ARSB: variants seen among roughly 807,000 people sequenced by gnomAD.
ARSB encodes N-acetylgalactosamine-4-sulfatase.
Under a neutral mutation model 50.9 loss-of-function variants are expected in ARSB, and 41 were observed. The ratio of observed to expected loss-of-function variants is 0.81; its 90% CI spans 0.63 to 1.04. ARSB has a LOEUF of 1.04. Ranked by LOEUF, ARSB falls within the 50% of genes least tolerant of loss-of-function variation. The pLI is 0.00. For missense variants in ARSB, 672 were observed against 693.3 expected, an observed-to-expected ratio of 0.97 and a Z score of 0.35; for synonymous variants, 269 against 284.8, an observed-to-expected ratio of 0.94 and a Z score of 0.56.
chr5:78,867,734 G>GA (rs1561470893), intron 5 of ARSB, among the ~76,000 whole-genome samples: 1 of 151,630 alleles, frequency 6.6e-6, no homozygotes. Flanking sequence ...GAAAAACTGG[G>GA]AACTCTAAAA....
At chr5:78,957,051 C>CTT (rs1405248089) in intron 3 of ARSB, among the ~76,000 whole-genome samples, 2 of 152,172 alleles carry the variant, frequency 1.3e-5, no homozygotes, top group Non-Finnish European at 2.9e-5. Flanking sequence ...TATTTTACCA[C>CTT]TTACATCAAT....
chr5:78,901,050 A>G (rs1436003772), intron 4 of ARSB, among the ~76,000 whole-genome samples: 1 of 150,104 alleles, frequency 6.7e-6, no homozygotes, highest in African/African-American at 2.4e-5. Context: ...GTCTCAGGAA[A>G]AAAAAAAAAA....
At chr5:78,947,245 C>T (rs1751281052) in intron 4 of ARSB, among the ~76,000 whole-genome samples, 1 of 152,082 alleles carries the variant, frequency 6.6e-6, no homozygotes, top group Non-Finnish European at 1.5e-5. Flanking sequence ...TAATATCCCA[C>T]AAGCACAGGT....
At chr5:78,941,635 C>T (rs1750929264) in intron 4 of ARSB, among the ~76,000 whole-genome samples, 2 of 152,188 alleles carry the variant, frequency 1.3e-5, no homozygotes, top group Admixed American at 1.3e-4. Flanking sequence ...ATGAAGCCCA[C>T]TTGATCATGG....
intron 4 of ARSB, among the ~76,000 whole-genome samples, chr5:78,895,969 G>A (rs937857668): frequency 3.3e-5 from 5 of 152,192 alleles, no homozygotes; most frequent in African/African-American, 9.7e-5. Flanking sequence ...AGGGATACAA[G>A]AGTGGAAAGA....
intron 6 of ARSB, chr5:78,815,445 T>A (rs1455285533): frequency 1.3e-6 from 1 of 785,114 alleles, no homozygotes; most frequent in Non-Finnish European, 1.5e-6. Flanking sequence ...AAGACACCCC[T>A]CTCTGTGCCA....
chr5:78,876,917 G>A (rs1386348719), intron 5 of ARSB, among the ~76,000 whole-genome samples: 1 of 152,104 alleles, frequency 6.6e-6, no homozygotes, highest in Non-Finnish European at 1.5e-5. Flanking sequence ...CGCATGCGAG[G>A]GATCTACGGT....
intron 4 of ARSB, among the ~76,000 whole-genome samples, chr5:78,953,173 A>G (rs930935430): frequency 1.3e-5 from 2 of 152,256 alleles, no homozygotes; most frequent in African/African-American, 4.8e-5. Context: ...CACCCACACA[A>G]GTGAACAAGG....
rs938659947 is a variant in ARSB at position 78,782,290 on chromosome 5, T to G, written c.1214-316A>C. Reference sequence around the variant, plus strand: ...GTGTTCTGTTACAGCAGAGTGACTTTTTTTTGGTTTTTGTTTTTGGCTGTT... The same window carrying G: ...GTGTTCTGTTACAGCAGAGTGACTTGTTTTTGGTTTTTGTTTTTGGCTGTT... On this transcript the variant is annotated intron_variant, in intron 6 of 7. Coordinates refer to ENST00000264914, the MANE Select transcript of ARSB (RefSeq NM_000046.5). 2.6e-5 allele frequency among the ~76,000 whole-genome samples: 4 copies of G among 152,220 alleles called. No homozygotes were observed. The South Asian group carries it at 8.3e-4, about 32-fold the overall frequency.
At chr5:78,927,720 G>A (rs1750118034) in intron 4 of ARSB, among the ~76,000 whole-genome samples, 1 of 152,188 alleles carries the variant, frequency 6.6e-6, no homozygotes, top group Non-Finnish European at 1.5e-5. Flanking sequence ...GCTGGGAAAA[G>A]GCCAGAGGCA....
intron 6 of ARSB, among the ~76,000 whole-genome samples, chr5:78,799,221 A>G (rs577403502): frequency 6.6e-6 from 1 of 152,360 alleles, no homozygotes; most frequent in South Asian, 2.1e-4. Context: ...GAAAAGGTCC[A>G]GCTTCAGAGG....
chr5:78,861,886 C>T (rs1746455078), intron 5 of ARSB, among the ~76,000 whole-genome samples: 1 of 152,168 alleles, frequency 6.6e-6, no homozygotes, highest in Admixed American at 6.5e-5. Context: ...CCCAAAATCT[C>T]CTTAAGCTGA....
At chr5:78,895,586 T>C (rs1331132978) in intron 4 of ARSB, among the ~76,000 whole-genome samples, 2 of 152,232 alleles carry the variant, frequency 1.3e-5, no homozygotes, top group South Asian at 2.1e-4. Flanking sequence ...AAACTTTCAC[T>C]ATCCTGGCAT....
chr5:78,935,191 A>T (rs1051672430), intron 4 of ARSB, among the ~76,000 whole-genome samples: 2 of 152,240 alleles, frequency 1.3e-5, no homozygotes, highest in Non-Finnish European at 2.9e-5. Flanking sequence ...AGAAATATGA[A>T]GAAAAGAAGA....
At chr5:78,923,529 TA>T (rs1341997460) in intron 4 of ARSB, among the ~76,000 whole-genome samples, 1 of 152,252 alleles carries the variant, frequency 6.6e-6, no homozygotes, top group Non-Finnish European at 1.5e-5. Flanking sequence ...GTGTGGTTTC[TA>T]AATGACAGCC....
rs71001139 is a variant in ARSB, at chr5:78,918,549, G to GCACA, written c.899-32726_899-32723dup. 2.0e-3 allele frequency among the ~76,000 whole-genome samples: 299 copies of GCACA among 150,002 alleles called. 3 individuals carry two copies. Among genetic ancestry groups the GCACA allele is most frequent in the African/African-American group, 5.8e-3 (237 of 40,870 alleles). ...AGTGGCAAAAATCTCAATATCATGT[G>GCACA]CACACACACACACACACACATGCAT... On this transcript the variant is annotated intron_variant, in intron 4 of 7. Coordinates refer to ENST00000264914, the MANE Select transcript of ARSB (RefSeq NM_000046.5).
chr5:78,842,388 C>G (rs953043653), intron 5 of ARSB, among the ~76,000 whole-genome samples: 4 of 152,134 alleles, frequency 2.6e-5, no homozygotes, highest in African/African-American at 9.7e-5. Context: ...AGACAATGGT[C>G]ATTAGAGAGA....
At chr5:78,918,025 A>G (rs1749639070) in intron 4 of ARSB, among the ~76,000 whole-genome samples, 1 of 152,202 alleles carries the variant, frequency 6.6e-6, no homozygotes, top group Admixed American at 6.5e-5. Flanking sequence ...CCCTAAAGAC[A>G]ATTCATTCTA....
chr5:78,919,790 C>T (rs1375101749), intron 4 of ARSB, among the ~76,000 whole-genome samples: 2 of 152,128 alleles, frequency 1.3e-5, no homozygotes, highest in Non-Finnish European at 1.5e-5. Flanking sequence ...AGTGAGCCAC[C>T]GCACCCTGCT....
Sources: allele counts gnomAD v4.1 joint callset (sites outside exome capture counted in the v4.1 genomes callset), GRCh38; gene constraint gnomAD v4.1.1; transcripts MANE v1.5; gene names NCBI Gene and HGNC (gene_info 2026-07-23, HGNC 2026-07-21).